RIN3: variants seen among roughly 807,000 people sequenced by gnomAD.
RIN3 encodes Ras and Rab interactor 3.
RIN3 carries 54 observed loss-of-function variants against 76.3 expected under a neutral mutation model. The ratio of observed to expected loss-of-function variants is 0.71; its 90% CI spans 0.57 to 0.89. The LOEUF is 0.89. RIN3 is among the 40% of genes least tolerant of loss of function. The pLI is 0.00. For synonymous variants in RIN3, 576 were observed against 564.0 expected (o/e 1.02, Z -0.30); for missense variants, 1,256 against 1,322.1 (o/e 0.95, Z 0.78).
intron 1 of RIN3, among the ~76,000 whole-genome samples, chr14:92,538,717 G>A (rs1032428561): frequency 6.6e-6 from 1 of 152,152 alleles, no homozygotes; most frequent in Non-Finnish European, 1.5e-5. Context: ...ACACAGCCCA[G>A]CTCAATGCCA....
chr14:92,649,405 G>T (rs147405944), intron 5 of RIN3, among the ~76,000 whole-genome samples: 11 of 152,206 alleles, frequency 7.2e-5, no homozygotes, highest in Non-Finnish European at 1.3e-4. Flanking sequence ...GGCCTGTGTA[G>T]ACATGGGCAC....
Position 92,568,827 on chromosome 14 carries a change from G to A in RIN3, c.250-8533G>A, listed in dbSNP as rs1460395963. Among the ~76,000 whole-genome samples, 1 of 152,256 alleles carries A rather than the reference G, an allele frequency of 6.6e-6. No individual in the cohort carries two copies. The highest frequency in any genetic ancestry group is 1.5e-5 in the Non-Finnish European group (1 of 68,042). ...GCCATGCTGAAAGGGTGGGTGATGG[G>A]TTCGGAGCTGGGGAGCTGGCAGAGT... On this transcript the variant is annotated intron_variant, in intron 2 of 9. Coordinates refer to ENST00000216487, the MANE Select transcript of RIN3 (RefSeq NM_024832.5). This position sits in a 1 kb window ranked among gnomAD's most constrained non-coding sequence, Gnocchi z 4.2.
At chr14:92,638,190 G>T (rs1439496828) in intron 4 of RIN3, among the ~76,000 whole-genome samples, 1 of 152,184 alleles carries the variant, frequency 6.6e-6, no homozygotes, top group Admixed American at 6.5e-5. Flanking sequence ...CCATGGTGTG[G>T]CCTCGAAGGA....
rs992279548 is a variant in RIN3 at position 92,514,041 on chromosome 14, C to G, written c.44+65C>G. Reference sequence around the variant, plus strand: ...CACGGCCCGCGTCCTGGCCGCCCCACTCCACTTCTTGTCCCAGAGAGTCCT... The same window carrying G: ...CACGGCCCGCGTCCTGGCCGCCCCAGTCCACTTCTTGTCCCAGAGAGTCCT... On this transcript the variant is annotated intron_variant, in intron 1 of 9. Coordinates refer to ENST00000216487, the MANE Select transcript of RIN3 (RefSeq NM_024832.5). This position sits in a 1 kb window ranked among gnomAD's most constrained non-coding sequence, Gnocchi z 7.2. The G allele has an allele frequency of 1.1e-5, 12 of 1,085,070 alleles. No individual in the cohort carries two copies. The highest frequency in any genetic ancestry group is 1.4e-5 in the Non-Finnish European group (12 of 852,110). The allele number at this position is 1,085,070 out of a possible 1,614,324, so 67.2% of individuals were successfully genotyped here.
intron 9 of RIN3, 168 bp from the exon 10 acceptor site, chr14:92,687,758 C>T: frequency 1.7e-6 from 1 of 592,318 alleles, no homozygotes; most frequent in African/African-American, 2.0e-5. Flanking sequence ...GGGAGGGGGA[C>T]GGGCCCCCCG....
At chr14:92,531,112 G>A (rs1595392165) in intron 1 of RIN3, among the ~76,000 whole-genome samples, 1 of 152,128 alleles carries the variant, frequency 6.6e-6, no homozygotes, top group Admixed American at 6.5e-5. Context: ...CAGTGTCTTC[G>A]TCAGCTTGGG....
At chr14:92,526,933 T>C (rs1476011981) in intron 1 of RIN3, among the ~76,000 whole-genome samples, 2 of 152,140 alleles carry the variant, frequency 1.3e-5, no homozygotes, top group African/African-American at 4.8e-5. Flanking sequence ...TTCAAGCTTC[T>C]GGTGGCCCAG....
intron 2 of RIN3, among the ~76,000 whole-genome samples, chr14:92,562,147 A>G (rs1394190878): frequency 1.3e-5 from 2 of 152,200 alleles, no homozygotes; most frequent in Non-Finnish European, 2.9e-5. Flanking sequence ...TATTTTGTAG[A>G]ATGTTCCTCC....
chr14:92,546,716 G>A (rs1213210306), intron 1 of RIN3, among the ~76,000 whole-genome samples: 1 of 151,728 alleles, frequency 6.6e-6, no homozygotes, highest in Non-Finnish European at 1.5e-5. Context: ...GGGGAGCTTT[G>A]CCCCCCGCCC....
intron 1 of RIN3, chr14:92,515,273 T>C (rs1260854126): frequency 1.4e-6 from 1 of 698,714 alleles, no homozygotes; most frequent in African/African-American, 1.8e-5. Flanking sequence ...CCCCCAACCC[T>C]CACACCCACT....
chr14:92,630,199 A>G (rs1408891112), intron 4 of RIN3, among the ~76,000 whole-genome samples: 1 of 152,218 alleles, frequency 6.6e-6, no homozygotes, highest in Non-Finnish European at 1.5e-5. Flanking sequence ...ACATGTAAAG[A>G]GACAGCACCG....
chr14:92,542,748 A>G (rs1042903113), intron 1 of RIN3, among the ~76,000 whole-genome samples: 2 of 152,244 alleles, frequency 1.3e-5, no homozygotes, highest in African/African-American at 4.8e-5. Context: ...GAAGTGAAAC[A>G]TTGATATAGA....
chr14:92,553,311 T>C (rs891176452), intron 1 of RIN3, among the ~76,000 whole-genome samples: 2 of 152,108 alleles, frequency 1.3e-5, no homozygotes, highest in Non-Finnish European at 2.9e-5. Flanking sequence ...CCAGAACATA[T>C]CTTTGTGTTT....
Position 92,653,008 on chromosome 14 carries a change from C to T in RIN3, c.1959C>T (p.Ser653=), listed in dbSNP as rs1407441768. ...GCACCATGATGACCCAGCTCAAGAG[C>T]TACCTGCTGCAGAGCACCGAGCTCA... ...EIRTMMTQLK[S]YLLQSTELKA... is the part of the protein sequence containing the mutation. Residue 653 remains serine (S), a synonymous_variant, in exon 6 of 10, where the codon AGC becomes AGT. Coordinates refer to ENST00000216487, the MANE Select transcript of RIN3 (RefSeq NM_024832.5). 6.2e-7 allele frequency: 1 copy of T among 1,612,338 alleles called. No homozygotes were observed. The highest frequency in any genetic ancestry group is 1.7e-5 in the Admixed American group (1 of 60,032).
In RIN3 at chr14:92,685,448, C is replaced by T. The variant is rs1396478022; in HGVS notation, c.2631+298C>T. The T allele has an allele frequency of 2.1e-5, 7 of 327,538 alleles. No individual in the cohort carries two copies. In the Admixed American group the frequency reaches 2.5e-4, roughly 12 times the overall value. 20.3% of individuals were successfully genotyped at this position (327,538 alleles called of 1,614,324 possible). On this transcript the variant is annotated intron_variant, in intron 9 of 9. Transcript: ENST00000216487. The surrounding 1 kb of genome is among the most constrained non-coding windows in gnomAD (Gnocchi z 4.7). ...TCATTCCTTAGCCCCTCCTAGGACC[C>T]AGCACCCTGCAGGGGCTGGAGATGG...
At chr14:92,680,100 G>A (rs1595507526) in intron 8 of RIN3, among the ~76,000 whole-genome samples, 1 of 152,270 alleles carries the variant, frequency 6.6e-6, no homozygotes, top group East Asian at 1.9e-4. Flanking sequence ...CAAGGCACCA[G>A]CAGACTCAGT....
At chr14:92,641,135 A>C (rs113876303) in intron 4 of RIN3, 103 bp from the exon 5 acceptor site, 9,902 of 865,658 alleles carry the variant, frequency 0.011, 229 homozygotes, top group African/African-American at 0.081. Flanking sequence ...GGCTGTATGG[A>C]GACCCTGGCA....
At chr14:92,546,441 G>A (rs778984726) in intron 1 of RIN3, among the ~76,000 whole-genome samples, 11 of 152,190 alleles carry the variant, frequency 7.2e-5, no homozygotes, top group South Asian at 2.1e-4. Context: ...CCACTCCACT[G>A]ATTTACTGCA....
At position 92,652,538 on chromosome 14, in the gene RIN3, C is replaced by G; in HGVS notation, c.1489C>G (p.Pro497Ala). ...GGCCTTGGAGACACCCACGCCGGGT[C>G]CACCCAGAGAGGGCCAAAGCCCTGC... The part of the protein sequence containing the change: ...AMALETPTPG[P>A]PREGQSPASQ... Residue 497 changes from proline to alanine, a missense_variant, in exon 6 of 10, where the codon CCA becomes GCA. Physicochemically the swap from Pro to Ala is conservative, Grantham distance 27. Transcript: ENST00000216487. This position sits in a 1 kb window ranked among gnomAD's most constrained non-coding sequence, Gnocchi z 6.4. 6.2e-7 allele frequency: 1 copy of G among 1,613,648 alleles called. No individual in the cohort carries two copies. Among genetic ancestry groups the G allele is most frequent in the South Asian group, 1.1e-5 (1 of 91,082 alleles).
Sources: gnomAD v4.1 joint callset for allele counts (sites outside exome capture counted in the v4.1 genomes callset) on GRCh38, gnomAD v4.1.1 for gene constraint, Gnocchi (gnomAD v3.1) non-coding constraint, MANE v1.5 for transcripts, NCBI Gene and HGNC (gene_info 2026-07-23, HGNC 2026-07-21) for gene names.